HDAC4: variants seen among roughly 807,000 people sequenced by gnomAD.
HDAC4 encodes the protein histone deacetylase A.
In HDAC4, 16 loss-of-function variants were observed where a neutral mutation model predicts 135.1. That is an observed-to-expected ratio of 0.12 (90% CI 0.08 to 0.18). HDAC4 has a LOEUF of 0.18. Ranked by LOEUF, HDAC4 falls within the 10% of genes least tolerant of loss-of-function variation. The probability of loss-of-function intolerance (pLI) is 1.00; values close to 1 mark genes in which losing one functional copy is unlikely to be tolerated. For synonymous variants in HDAC4, 685 were observed against 653.4 expected (o/e 1.05, Z -0.74); for missense variants, 1,143 against 1,511.8 (o/e 0.76, Z 4.05).
At chr2:239,182,504 C>T (rs1406389307) in intron 4 of HDAC4, among the ~76,000 whole-genome samples, 1 of 152,202 alleles carries the variant, frequency 6.6e-6, no homozygotes, top group Non-Finnish European at 1.5e-5. Context: ...GGCAAAACTC[C>T]CAGAAACATG....
At chr2:239,366,114 G>A (rs112896742) in intron 1 of HDAC4, among the ~76,000 whole-genome samples, 7 of 148,236 alleles carry the variant, frequency 4.7e-5, no homozygotes, top group Non-Finnish European at 1.0e-4. Flanking sequence ...AGGGTCACGC[G>A]TGTGGCACTG....
At chr2:239,205,813 G>A (rs898398479) in intron 3 of HDAC4, among the ~76,000 whole-genome samples, 1 of 152,190 alleles carries the variant, frequency 6.6e-6, no homozygotes, top group South Asian at 2.1e-4. Flanking sequence ...ACGGCAAGAG[G>A]TGAATGGGGA....
intron 10 of HDAC4, 35 bp from the exon 11 acceptor site, chr2:239,134,478 A>AC: frequency 6.2e-7 from 1 of 1,612,762 alleles, no homozygotes; most frequent in Non-Finnish European, 8.5e-7. Flanking sequence ...GGGTGGAAGG[A>AC]CCCATCACCA....
intron 3 of HDAC4, among the ~76,000 whole-genome samples, chr2:239,218,615 T>A (rs1215891891): frequency 2.0e-5 from 3 of 150,648 alleles, no homozygotes; most frequent in South Asian, 4.2e-4. Flanking sequence ...AAAATTGACA[T>A]ATGGGATCTA....
chr2:239,111,813 C>T, intron 13 of HDAC4, 101 bp from the exon 14 acceptor site: 1 of 1,096,694 alleles, frequency 9.1e-7, no homozygotes, highest in Non-Finnish European at 1.3e-6. Flanking sequence ...CGTCCACGCA[C>T]AGGCCATACA....
At chr2:239,120,558 A>C (rs62190761) in intron 12 of HDAC4, among the ~76,000 whole-genome samples, 63,055 of 141,902 alleles carry the variant, frequency 0.44, 15,025 homozygotes, top group South Asian at 0.69. Context: ...GGGTGGGTAC[A>C]ATGCCAGGAA....
intron 24 of HDAC4, chr2:239,055,412 A>C (rs1168002366): frequency 6.0e-6 from 1 of 167,358 alleles, no homozygotes; most frequent in East Asian, 1.7e-4. Flanking sequence ...CATTTGCAAC[A>C]CAACAATTAA....
At position 239,087,549 on chromosome 2, in the gene HDAC4, G is replaced by A. The variant is rs756921589; in HGVS notation, c.2444+10C>T. On this transcript the variant is annotated intron_variant, in intron 19 of 26. Coordinates refer to ENST00000543185, the MANE Select transcript of HDAC4 (RefSeq NM_001378414.1). ...TTCCCCTGCTGTGCGGGGCTGCGGC[G>A]TGTACTCACATGGGCGTGCTCTCCT... 118 of 1,612,564 alleles carry A rather than the reference G, an allele frequency of 7.3e-5. No individual in the cohort carries two copies. Among genetic ancestry groups the A allele is most frequent in the African/African-American group, 7.2e-4 (54 of 74,924 alleles).
At chr2:239,347,902 G>C (rs553599799) in intron 2 of HDAC4, among the ~76,000 whole-genome samples, 3 of 152,194 alleles carry the variant, frequency 2.0e-5, no homozygotes, top group Non-Finnish European at 4.4e-5. Flanking sequence ...ACCACTGCCT[G>C]CTCAACCAGC....
intron 3 of HDAC4, chr2:239,191,038 C>T (rs1011383046): frequency 1.3e-5 from 6 of 459,972 alleles, no homozygotes; most frequent in East Asian, 1.4e-4. Flanking sequence ...TTCTCAGACA[C>T]GCGACTCTGC....
At position 239,248,682 on chromosome 2, in the gene HDAC4, G is replaced by A. The variant is rs111412867; in HGVS notation, c.23-12018C>T. On this transcript the variant is annotated intron_variant, in intron 2 of 26. Transcript: ENST00000543185. Reference sequence around the variant, plus strand: ...TCTCTGGGTTTCATTCACAGAAGTAGTACTCATGGTTCTCACCAGAGAAAT... The same window carrying A: ...TCTCTGGGTTTCATTCACAGAAGTAATACTCATGGTTCTCACCAGAGAAAT... Among the ~76,000 whole-genome samples, 733 of 152,286 alleles carry A rather than the reference G, an allele frequency of 4.8e-3. 3 individuals carry two copies. The highest frequency in any genetic ancestry group is 0.012 in the African/African-American group (486 of 41,564).
intron 22 of HDAC4, among the ~76,000 whole-genome samples, chr2:239,074,990 G>A (rs28747689): frequency 0.18 from 26,843 of 151,928 alleles, 2,665 homozygotes; most frequent in African/African-American, 0.25. Flanking sequence ...TTGGGAGGCC[G>A]AGGCAGGCGG....
At chr2:239,287,449 C>T (rs2051201368) in intron 2 of HDAC4, among the ~76,000 whole-genome samples, 1 of 152,194 alleles carries the variant, frequency 6.6e-6, no homozygotes, top group Non-Finnish European at 1.5e-5. Flanking sequence ...TACATCATCT[C>T]AAAGGTGTAC....
chr2:239,116,544 G>A (rs1232662281), intron 12 of HDAC4, among the ~76,000 whole-genome samples: 1 of 152,202 alleles, frequency 6.6e-6, no homozygotes, highest in Non-Finnish European at 1.5e-5. Flanking sequence ...CTCCTGCCTG[G>A]ATGACAGCAT....
chr2:239,063,197 A>G (rs183342352), intron 24 of HDAC4, among the ~76,000 whole-genome samples: 4,503 of 149,568 alleles, frequency 0.03, 74 homozygotes, highest in Non-Finnish European at 0.038. Context: ...GTGGCCCTGC[A>G]GTCTTTTTTT....
rs2052738779 is a variant in HDAC4 at position 239,308,874 on chromosome 2, C to T, written c.22+43804G>A. On this transcript the variant is annotated intron_variant, in intron 2 of 26. Transcript: ENST00000543185. The surrounding 1 kb of genome is among the most constrained non-coding windows in gnomAD (Gnocchi z 4.2). The stretch of plus-strand genomic sequence containing the variant: ...CACAGGCGAAAGACGGGTTCCCCTT[C>T]CTCTACACCCAAGCCCTCGGAAGCA... 6.6e-6 allele frequency among the ~76,000 whole-genome samples: 1 copy of T among 152,110 alleles called. No individual in the cohort carries two copies. Among genetic ancestry groups the T allele is most frequent in the Non-Finnish European group, 1.5e-5 (1 of 68,018 alleles).
intron 24 of HDAC4, among the ~76,000 whole-genome samples, chr2:239,062,387 A>G (rs939674806): frequency 2.0e-5 from 3 of 152,236 alleles, no homozygotes; most frequent in African/African-American, 2.4e-5. Context: ...CACACTGTAT[A>G]TCAACCTTCA....
chr2:239,190,173 G>GT, intron 3 of HDAC4, 96 bp from the exon 4 acceptor site: 1 of 1,434,326 alleles, frequency 7.0e-7, no homozygotes, highest in Non-Finnish European at 9.2e-7. Context: ...CCTTCACGGG[G>GT]CGGGGGGGGG....
chr2:239,303,878 G>C lies in HDAC4; in HGVS notation c.22+48800C>G, dbSNP rs539200977. ...CCCCAGATACCCACCAGACCCTACA[G>C]GCCTGCCCCGTGGCCCTGGGAATGC... On this transcript the variant is annotated intron_variant, in intron 2 of 26. Transcript: ENST00000543185. This position sits in a 1 kb window ranked among gnomAD's most constrained non-coding sequence, Gnocchi z 5.1. Among the ~76,000 whole-genome samples the C allele has an allele frequency of 6.6e-6, 1 of 152,266 alleles. No homozygotes were observed. The highest frequency in any genetic ancestry group is 1.9e-4 in the East Asian group (1 of 5,170).
Sources: allele counts gnomAD v4.1 joint callset (sites outside exome capture counted in the v4.1 genomes callset), GRCh38; gene constraint gnomAD v4.1.1; non-coding constraint Gnocchi (gnomAD v3.1); transcripts MANE v1.5; gene names NCBI Gene and HGNC (gene_info 2026-07-23, HGNC 2026-07-21).